The following AGPS variants were observed in gnomAD, a reference collection of about 807,000 sequenced individuals.
The protein encoded by AGPS is alkyldihydroxyacetonephosphate synthase, peroxisomal.
A neutral mutation model predicts 90.7 loss-of-function variants in AGPS; 26 were observed. The observed-to-expected ratio is 0.29, with a 90% CI of 0.21 to 0.40. The LOEUF (loss-of-function observed/expected upper bound fraction) is 0.40, where lower values mean the gene tolerates loss of function less well. Among genes scored for constraint, AGPS ranks in the 10% least tolerant of loss-of-function variants. The probability of loss-of-function intolerance (pLI) is 1.00; values close to 1 mark genes in which losing one functional copy is unlikely to be tolerated. For synonymous variants in AGPS, 294 were observed against 285.3 expected (o/e 1.03, Z -0.31); for missense variants, 540 against 816.1 (o/e 0.66, Z 4.12).
At position 177,513,822 on chromosome 2, in the gene AGPS, G is replaced by A; in HGVS notation, c.1611G>A (p.Val537=). 6.2e-7 allele frequency: 1 copy of A among 1,606,630 alleles called. No individual in the cohort carries two copies. The highest frequency in any genetic ancestry group is 8.5e-7 in the Non-Finnish European group (1 of 1,173,838). Residue 537 remains valine (V), a synonymous_variant, in exon 17 of 20, where the codon GTG becomes GTA. Transcript: ENST00000264167. ...SFETSAPWDR[V]VDLCRNVKER... ...GTATTCATTTATCTTTTTTTAGGGT[G>A]GTAGATCTCTGTAGAAATGTAAAAG... is the stretch of plus-strand genomic sequence containing the variant.
At chr2:177,453,273 T>C (rs886654806) in intron 8 of AGPS, among the ~76,000 whole-genome samples, 10 of 152,006 alleles carry the variant, frequency 6.6e-5, no homozygotes, top group Non-Finnish European at 1.5e-4. Context: ...TGGCTACTTT[T>C]TTTTTTTTTC....
At chr2:177,437,869 A>G (rs909509157) in intron 5 of AGPS, among the ~76,000 whole-genome samples, 10 of 152,206 alleles carry the variant, frequency 6.6e-5, no homozygotes, top group South Asian at 2.1e-4. Flanking sequence ...GGCAAGAGGC[A>G]GGTGAGATAC....
At chr2:177,419,759 T>A (rs1685892559) in intron 1 of AGPS, among the ~76,000 whole-genome samples, 1 of 151,882 alleles carries the variant, frequency 6.6e-6, no homozygotes, top group Non-Finnish European at 1.5e-5. Context: ...TTGAAGAATT[T>A]AGAATGTAAA....
rs187686783 is a variant in AGPS, at chr2:177,538,313, A to G, written c.*118A>G. The G allele has an allele frequency of 1.4e-3, 1,661 of 1,156,276 alleles. 6 individuals carry two copies. The highest frequency in any genetic ancestry group is 4.1e-3 in the Middle Eastern group (19 of 4,638). The allele number at this position is 1,156,276 out of a possible 1,614,324, so 71.6% of individuals were successfully genotyped here. On this transcript the variant is annotated 3_prime_UTR_variant, in exon 20 of 20. Coordinates refer to ENST00000264167, the MANE Select transcript of AGPS (RefSeq NM_003659.4). Reference sequence around the variant, plus strand: ...TTGGATACATTTGTTTCTTTGGTTTAAAATAAGTTTGTTTTCATTCTGTAG... The same window carrying G: ...TTGGATACATTTGTTTCTTTGGTTTGAAATAAGTTTGTTTTCATTCTGTAG...
intron 1 of AGPS, among the ~76,000 whole-genome samples, chr2:177,400,513 A>G (rs933031246): frequency 6.6e-6 from 1 of 152,196 alleles, no homozygotes; most frequent in Non-Finnish European, 1.5e-5. Flanking sequence ...TTACTCATTG[A>G]AAAAAACTGC....
intron 14 of AGPS, among the ~76,000 whole-genome samples, chr2:177,503,030 T>C (rs1157636921): frequency 1.3e-5 from 2 of 152,194 alleles, no homozygotes; most frequent in Non-Finnish European, 1.5e-5. Flanking sequence ...TTTATTTGTT[T>C]ATGAAACTCT....
intron 2 of AGPS, among the ~76,000 whole-genome samples, 185 bp downstream of exon 2, chr2:177,420,543 T>C (rs1435581097): frequency 6.6e-6 from 1 of 151,688 alleles, no homozygotes; most frequent in African/African-American, 2.4e-5. Flanking sequence ...CCTCTAAATA[T>C]ATGTATTTGT....
chr2:177,474,319 G>A (rs1400885287), intron 10 of AGPS, among the ~76,000 whole-genome samples: 1 of 152,120 alleles, frequency 6.6e-6, no homozygotes, highest in Non-Finnish European at 1.5e-5. Context: ...GAAAAAATTA[G>A]CCATGCAGAC....
intron 3 of AGPS, 133 bp from the exon 4 acceptor site, chr2:177,436,631 T>C: frequency 2.5e-6 from 2 of 802,206 alleles, no homozygotes; most frequent in South Asian, 3.2e-5. Context: ...TATGTTGTGT[T>C]GTATTTTCCT....
intron 1 of AGPS, among the ~76,000 whole-genome samples, chr2:177,400,308 A>G (rs982387846): frequency 2.6e-5 from 4 of 152,210 alleles, no homozygotes; most frequent in Non-Finnish European, 5.9e-5. Flanking sequence ...TCATAAGTCC[A>G]ACTCTATTAC....
chr2:177,524,275 G>A (rs1423467462), intron 19 of AGPS, among the ~76,000 whole-genome samples: 1 of 152,108 alleles, frequency 6.6e-6, no homozygotes, highest in African/African-American at 2.4e-5. Context: ...TTTTTTCAAG[G>A]TTTTAATGCT....
intron 12 of AGPS, among the ~76,000 whole-genome samples, chr2:177,495,535 A>C (rs1026325161): frequency 2.6e-5 from 4 of 152,210 alleles, no homozygotes; most frequent in Non-Finnish European, 5.9e-5. Context: ...AAATGACACG[A>C]TTAACATTGA....
chr2:177,489,178 G>A (rs1244348706), intron 11 of AGPS, among the ~76,000 whole-genome samples: 4 of 148,976 alleles, frequency 2.7e-5, no homozygotes, highest in South Asian at 2.1e-4. Context: ...TCCGCCTCCC[G>A]GGTTCATGCC....
At chr2:177,442,290 A>G (rs546505386) in intron 6 of AGPS, 117 bp from the exon 7 acceptor site, 2 of 805,854 alleles carry the variant, frequency 2.5e-6, no homozygotes, top group East Asian at 2.5e-5. Context: ...CAAAGTATTA[A>G]TAGGTATCAC....
intron 2 of AGPS, among the ~76,000 whole-genome samples, chr2:177,428,148 C>T (rs1686134242): frequency 6.6e-6 from 1 of 152,114 alleles, no homozygotes; most frequent in African/African-American, 2.4e-5. Flanking sequence ...AGGATTGCGA[C>T]ACCTGCTTTT....
intron 2 of AGPS, among the ~76,000 whole-genome samples, chr2:177,429,825 G>A (rs190269264): frequency 6.6e-6 from 1 of 152,328 alleles, no homozygotes; most frequent in Admixed American, 6.5e-5. Context: ...GAGCAGCTGT[G>A]CCATGTTGGG....
intron 3 of AGPS, among the ~76,000 whole-genome samples, chr2:177,436,311 C>G (rs1686410960): frequency 6.6e-6 from 1 of 151,544 alleles, no homozygotes; most frequent in African/African-American, 2.4e-5. Context: ...GCCACCACGC[C>G]CGGCTAATTT....
chr2:177,498,669 A>T (rs921326048), intron 13 of AGPS, among the ~76,000 whole-genome samples: 2 of 151,196 alleles, frequency 1.3e-5, no homozygotes, highest in East Asian at 3.9e-4. Context: ...ATTTATTTCA[A>T]TTTTATTATG....
At chr2:177,448,621 G>A (rs1401362995) in intron 8 of AGPS, among the ~76,000 whole-genome samples, 1 of 152,088 alleles carries the variant, frequency 6.6e-6, no homozygotes, top group African/African-American at 2.4e-5. Context: ...TAGGCAGCTT[G>A]GACCACAATC....
Sources: gnomAD v4.1 joint callset for allele counts (sites outside exome capture counted in the v4.1 genomes callset) on GRCh38, gnomAD v4.1.1 for gene constraint, MANE v1.5 for transcripts, NCBI Gene and HGNC (gene_info 2026-07-23, HGNC 2026-07-21) for gene names.